The following PTPRK variants were observed in gnomAD, a reference collection of about 807,000 sequenced individuals.
PTPRK encodes receptor-type tyrosine-protein phosphatase kappa.
PTPRK carries 75 observed loss-of-function variants against 178.0 expected under a neutral mutation model. The ratio of observed to expected loss-of-function variants is 0.42; its 90% confidence interval spans 0.35 to 0.51. The LOEUF is 0.51. Ranked by LOEUF, PTPRK falls within the 20% of genes least tolerant of loss-of-function variation. The probability of loss-of-function intolerance (pLI) is 0.02; values close to 1 mark genes in which losing one functional copy is unlikely to be tolerated. For missense variants in PTPRK, 1,441 were observed against 1,797.8 expected (o/e 0.80, Z 3.59); for synonymous variants, 637 against 620.6 (o/e 1.03, Z -0.39).
chr6:128,069,761 A>G (rs113361077), intron 11 of PTPRK, among the ~76,000 whole-genome samples: 1,723 of 152,278 alleles, frequency 0.011, 18 homozygotes, highest in Non-Finnish European at 0.015. Context: ...ATTCAATCTT[A>G]ACTAATTCTA....
At chr6:128,374,760 C>T (rs1836783229) in intron 2 of PTPRK, among the ~76,000 whole-genome samples, 1 of 152,114 alleles carries the variant, frequency 6.6e-6, no homozygotes, top group Non-Finnish European at 1.5e-5. Context: ...TCAGTATGAC[C>T]CTGTCAAGAT....
At chr6:128,512,191 T>C (rs536545452) in intron 1 of PTPRK, among the ~76,000 whole-genome samples, 2 of 152,336 alleles carry the variant, frequency 1.3e-5, no homozygotes, top group African/African-American at 4.8e-5. Context: ...TAAATCTTTC[T>C]TTAAACATTA....
At chr6:128,013,663 A>G (rs1779286351) in intron 13 of PTPRK, among the ~76,000 whole-genome samples, 1 of 151,474 alleles carries the variant, frequency 6.6e-6, no homozygotes, top group Non-Finnish European at 1.5e-5. Context: ...GAAGGAAAAC[A>G]AAAACTGGAA....
Position 127,985,802 on chromosome 6 carries a change from T to A in PTPRK, c.3170A>T (p.His1057Leu), listed in dbSNP as rs1485700786. 1 of 1,613,804 alleles carries A rather than the reference T, an allele frequency of 6.2e-7. No homozygotes were observed. Among genetic ancestry groups the A allele is most frequent in the Non-Finnish European group, 8.5e-7 (1 of 1,179,864 alleles). The change falls in exon 22 of 30, where the codon CAT (histidine) becomes CTT (leucine). Residue 1057 changes from histidine (H) to leucine (L), a missense_variant. His to Leu is a moderately conservative substitution (Grantham distance 99). Around this residue, in one of 4 missense-constraint regions of PTPRK, gnomAD observed 335 missense variants for 512.4 expected, o/e 0.65. Transcript: ENST00000368226. ...GATAAAGGAAAGCAGCCCTGTAGCA[T>A]GGTAGGGCACTCCATGGTCAGGCCA... ...TGWPDHGVPY[H>L]ATGLLSFIRR...
At chr6:128,360,523 T>C (rs1834585020) in intron 2 of PTPRK, among the ~76,000 whole-genome samples, 1 of 152,124 alleles carries the variant, frequency 6.6e-6, no homozygotes, top group Admixed American at 6.6e-5. Flanking sequence ...TAATTAGCAT[T>C]TGAGAAACAT....
rs925197956 is a variant in PTPRK, at chr6:128,057,583, C to G, written c.2194+7175G>C. Among the ~76,000 whole-genome samples the G allele has an allele frequency of 2.0e-5, 3 of 152,290 alleles. No homozygotes were observed. In the East Asian group the frequency reaches 5.8e-4, roughly 29 times the overall value. On this transcript the variant is annotated intron_variant, in intron 13 of 29. Coordinates refer to ENST00000368226, the MANE Select transcript of PTPRK (RefSeq NM_002844.4). Reference sequence around the variant, plus strand: ...GCATTTCACATGTGCTGTCCCAATTCCATCCTGGAGAAATTAAGCATGTCC... The same window carrying G: ...GCATTTCACATGTGCTGTCCCAATTGCATCCTGGAGAAATTAAGCATGTCC...
At chr6:128,452,967 C>T (rs1847969605) in intron 1 of PTPRK, among the ~76,000 whole-genome samples, 1 of 152,164 alleles carries the variant, frequency 6.6e-6, no homozygotes, top group African/African-American at 2.4e-5. Context: ...CACTGTGTCA[C>T]ATTGAGTACT....
chr6:128,064,752 T>G lies in PTPRK; in HGVS notation c.2194+6A>C. On this transcript the variant is annotated splice_donor_region_variant and intron_variant, in intron 13 of 29. Transcript: ENST00000368226. Reference sequence around the variant, plus strand: ...TTAAAACAAGCAAAAAAAGCAAACCTCTTACCTTTTGTAGCAATGCGTACG... The same window carrying G: ...TTAAAACAAGCAAAAAAAGCAAACCGCTTACCTTTTGTAGCAATGCGTACG... 5 of 1,585,502 alleles carry G rather than the reference T, an allele frequency of 3.2e-6. No individual in the cohort carries two copies. Among genetic ancestry groups the G allele is most frequent in the Non-Finnish European group, 4.3e-6 (5 of 1,172,376 alleles).
intron 7 of PTPRK, among the ~76,000 whole-genome samples, chr6:128,180,232 TAAGAGA>T (rs538499547): frequency 2.4e-3 from 369 of 151,764 alleles, no homozygotes; most frequent in African/African-American, 8.5e-3. Flanking sequence ...TTCCATTTAA[TAAGAGA>T]AAGAGAAACT....
In PTPRK at chr6:128,228,553, G is replaced by A. The variant is rs372508206; in HGVS notation, c.694-9457C>T. ...TGGGCGCCTGTAGTTCCAGCTACTCGGGAGGCTGAGGCAGGAGAATGGCGT... is the reference window on the plus strand; with the variant it reads ...TGGGCGCCTGTAGTTCCAGCTACTCAGGAGGCTGAGGCAGGAGAATGGCGT... On this transcript the variant is annotated intron_variant, in intron 5 of 29. Coordinates refer to ENST00000368226, the MANE Select transcript of PTPRK (RefSeq NM_002844.4). Among the ~76,000 whole-genome samples the A allele has an allele frequency of 5.8e-3, 878 of 150,102 alleles. 3 individuals carry two copies. Among genetic ancestry groups the A allele is most frequent in the Middle Eastern group, 0.024 (7 of 292 alleles).
chr6:128,410,601 C>A (rs1842194393), intron 1 of PTPRK, among the ~76,000 whole-genome samples: 1 of 152,196 alleles, frequency 6.6e-6, no homozygotes, highest in Non-Finnish European at 1.5e-5. Flanking sequence ...GTAACCTCCA[C>A]AACAGGCAGT....
At chr6:128,497,742 C>T (rs1854919788) in intron 1 of PTPRK, among the ~76,000 whole-genome samples, 1 of 151,626 alleles carries the variant, frequency 6.6e-6, no homozygotes, top group Admixed American at 6.6e-5. Context: ...TAATTTGGAT[C>T]CAAATTTTTA....
intron 3 of PTPRK, among the ~76,000 whole-genome samples, chr6:128,276,742 C>A (rs763676640): frequency 6.6e-6 from 1 of 152,008 alleles, no homozygotes; most frequent in Non-Finnish European, 1.5e-5. Flanking sequence ...GAAGGAGTTG[C>A]GTATCTTTCA....
At chr6:128,001,250 G>A (rs760293602) in intron 15 of PTPRK, 45 of 1,471,236 alleles carry the variant, frequency 3.1e-5, no homozygotes, top group East Asian at 9.9e-5. Flanking sequence ...CCAAAAATAC[G>A]AATCAGTATG....
intron 1 of PTPRK, among the ~76,000 whole-genome samples, chr6:128,449,294 T>G (rs111380308): frequency 0.022 from 3,404 of 152,306 alleles, 64 homozygotes; most frequent in African/African-American, 0.056. Flanking sequence ...TTTAAAACCC[T>G]TTTAACATTT....
chr6:128,267,453 C>T (rs1328591469), intron 3 of PTPRK, among the ~76,000 whole-genome samples: 1 of 152,012 alleles, frequency 6.6e-6, no homozygotes, highest in Admixed American at 6.6e-5. Context: ...AATAAAAACA[C>T]TTTATAAGCT....
At chr6:128,496,350 G>T (rs1854656915) in intron 1 of PTPRK, among the ~76,000 whole-genome samples, 1 of 152,168 alleles carries the variant, frequency 6.6e-6, no homozygotes, top group Non-Finnish European at 1.5e-5. Context: ...CAGTAGTAAA[G>T]TAGAGAATAG....
chr6:128,453,469 G>A (rs1483946462), intron 1 of PTPRK, among the ~76,000 whole-genome samples: 1 of 152,120 alleles, frequency 6.6e-6, no homozygotes, highest in African/African-American at 2.4e-5. Context: ...ATTGTAAAGG[G>A]CCAAGCTCAA....
At chr6:127,998,265 G>C (rs192736994) in intron 16 of PTPRK, among the ~76,000 whole-genome samples, 193 of 152,038 alleles carry the variant, frequency 1.3e-3, no homozygotes, top group African/African-American at 4.4e-3. Flanking sequence ...TAAACTGAGA[G>C]TGGCAAGTAG....
Sources: allele counts gnomAD v4.1 joint callset (sites outside exome capture counted in the v4.1 genomes callset), GRCh38; gene constraint gnomAD v4.1.1; regional missense constraint gnomAD v4.1.1; transcripts MANE v1.5; gene names NCBI Gene and HGNC (gene_info 2026-07-23, HGNC 2026-07-21).